The following NOS1AP variants were observed in gnomAD, a reference collection of about 807,000 sequenced individuals.
NOS1AP encodes nitric oxide synthase 1 adaptor protein, also known as carboxyl-terminal PDZ ligand of neuronal nitric oxide synthase protein.
A neutral mutation model predicts 56.2 loss-of-function variants in NOS1AP; 21 were observed. That is an observed-to-expected ratio of 0.37 (90% confidence interval 0.26 to 0.54). The LOEUF is 0.54. NOS1AP is among the 20% of genes least tolerant of loss of function. The pLI is 0.84. For synonymous variants in NOS1AP, 270 were observed against 274.6 expected, an observed-to-expected ratio of 0.98 and a Z score of 0.17; for missense variants, 522 against 657.8, an observed-to-expected ratio of 0.79 and a Z score of 2.26.
intron 2 of NOS1AP, among the ~76,000 whole-genome samples, chr1:162,265,980 C>A (rs1654409499): frequency 6.6e-6 from 1 of 152,130 alleles, no homozygotes; most frequent in South Asian, 2.1e-4. Flanking sequence ...TATCCGAGGC[C>A]AGACAGTAGG....
At chr1:162,127,109 AT>A (rs544924921) in intron 1 of NOS1AP, among the ~76,000 whole-genome samples, 3 of 151,008 alleles carry the variant, frequency 2.0e-5, no homozygotes, top group East Asian at 1.9e-4. Context: ...CTTTTGCCAT[AT>A]TTTTTTTTAA....
chr1:162,288,364 A>G (rs1200112914), intron 3 of NOS1AP, among the ~76,000 whole-genome samples: 1 of 152,200 alleles, frequency 6.6e-6, no homozygotes, highest in Non-Finnish European at 1.5e-5. Flanking sequence ...GTCACTCTTA[A>G]TTCAACTGGG....
intron 2 of NOS1AP, among the ~76,000 whole-genome samples, chr1:162,268,249 G>A (rs115272406): frequency 0.025 from 3,733 of 147,540 alleles, 64 homozygotes; most frequent in Non-Finnish European, 0.037. Flanking sequence ...GCAAGATTCT[G>A]TCTATAGGAA....
At chr1:162,360,275 T>C (rs1657857067) in intron 8 of NOS1AP, among the ~76,000 whole-genome samples, 1 of 152,064 alleles carries the variant, frequency 6.6e-6, no homozygotes, top group African/African-American at 2.4e-5. Flanking sequence ...CAAGTCCCTC[T>C]GACCGCTCTT....
intron 2 of NOS1AP, among the ~76,000 whole-genome samples, chr1:162,195,054 C>T (rs955744401): frequency 9.9e-5 from 15 of 152,052 alleles, no homozygotes; most frequent in Non-Finnish European, 7.4e-5. Flanking sequence ...TCTGGACTCA[C>T]GGAAGCCGCT....
At chr1:162,223,166 T>C (rs1652841753) in intron 2 of NOS1AP, among the ~76,000 whole-genome samples, 1 of 152,216 alleles carries the variant, frequency 6.6e-6, no homozygotes. Flanking sequence ...ATGTAAGAGT[T>C]AAGTGAAAAA....
At chr1:162,358,921 G>A (rs1212644864) in intron 8 of NOS1AP, among the ~76,000 whole-genome samples, 1 of 152,154 alleles carries the variant, frequency 6.6e-6, no homozygotes, top group African/African-American at 2.4e-5. Context: ...TTGTGGCGGT[G>A]GAAGGAAGCA....
At chr1:162,356,847 T>G in intron 7 of NOS1AP, 113 bp from the exon 8 acceptor site, 1 of 1,602,548 alleles carries the variant, frequency 6.2e-7, no homozygotes, top group South Asian at 1.1e-5. Context: ...TGCTGTCAGC[T>G]TATGGGTTGT....
chr1:162,323,140 G>A (rs1027016159), intron 4 of NOS1AP, among the ~76,000 whole-genome samples: 9 of 152,212 alleles, frequency 5.9e-5, no homozygotes, highest in African/African-American at 2.2e-4. Flanking sequence ...AATGACCAGG[G>A]TCCTTACAAG....
intron 1 of NOS1AP, among the ~76,000 whole-genome samples, chr1:162,102,175 G>A (rs1454341501): frequency 6.6e-6 from 1 of 152,032 alleles, no homozygotes; most frequent in Non-Finnish European, 1.5e-5. Context: ...TTTTATCCAA[G>A]GTCATTTCTT....
At chr1:162,327,769 T>C (rs1656640107) in intron 4 of NOS1AP, among the ~76,000 whole-genome samples, 1 of 152,248 alleles carries the variant, frequency 6.6e-6, no homozygotes, top group South Asian at 2.1e-4. Context: ...TATCCAAATA[T>C]ACTCTGTGCT....
At chr1:162,193,060 T>C (rs1651693705) in intron 2 of NOS1AP, among the ~76,000 whole-genome samples, 1 of 152,184 alleles carries the variant, frequency 6.6e-6, no homozygotes, top group South Asian at 2.1e-4. Flanking sequence ...TGTGTGCTTT[T>C]GCGAACACTC....
intron 2 of NOS1AP, among the ~76,000 whole-genome samples, chr1:162,272,059 C>T (rs1312853197): frequency 2.0e-5 from 3 of 152,056 alleles, no homozygotes; most frequent in Non-Finnish European, 4.4e-5. Context: ...CACTATATTG[C>T]CCTGGCTGGT....
At chr1:162,293,802 A>G (rs892385691) in intron 3 of NOS1AP, among the ~76,000 whole-genome samples, 1 of 152,198 alleles carries the variant, frequency 6.6e-6, no homozygotes, top group Non-Finnish European at 1.5e-5. Context: ...TTATCACTGG[A>G]CTAGGTGGCC....
intron 1 of NOS1AP, among the ~76,000 whole-genome samples, chr1:162,085,165 A>G (rs1345197118): frequency 6.6e-6 from 1 of 152,120 alleles, no homozygotes; most frequent in African/African-American, 2.4e-5. Flanking sequence ...TGAGGCAAAA[A>G]GAAAATGCAG....
rs1410712111 is a variant in NOS1AP, at chr1:162,333,142, C to T, written c.453+17C>T. 7 of 1,543,662 alleles carry T rather than the reference C, an allele frequency of 4.5e-6. No individual in the cohort carries two copies. The highest frequency in any genetic ancestry group is 4.5e-5 in the East Asian group (2 of 44,512). On this transcript the variant is annotated intron_variant, in intron 5 of 9. Transcript: ENST00000361897. The stretch of plus-strand genomic sequence containing the variant: ...AAGAAGAAGGTAAAGAGGCGGTTGC[C>T]GTCCATCTGCTATTTTCCTCTAATG...
In NOS1AP at chr1:162,207,769, C is replaced by A. The variant is rs1403281324; in HGVS notation, c.177+53293C>A. On this transcript the variant is annotated intron_variant, in intron 2 of 9. Coordinates refer to ENST00000361897, the MANE Select transcript of NOS1AP (RefSeq NM_014697.3). ...CATAAAATTGGATGTTGTGCCTATA[C>A]ACACACAGGATCTAGAAGAACATGT... Among the ~76,000 whole-genome samples, 3 of 152,300 alleles carry A rather than the reference C, an allele frequency of 2.0e-5. 1 individual carries two copies. Among genetic ancestry groups the A allele is most frequent in the Admixed American group, 1.3e-4 (2 of 15,308 alleles).
intron 6 of NOS1AP, among the ~76,000 whole-genome samples, chr1:162,349,393 A>C (rs1195726802): frequency 6.6e-6 from 1 of 152,172 alleles, no homozygotes; most frequent in Non-Finnish European, 1.5e-5. Context: ...CATAAAATTA[A>C]CAACCACAGA....
intron 2 of NOS1AP, among the ~76,000 whole-genome samples, chr1:162,273,309 G>A (rs1243109835): frequency 2.6e-5 from 4 of 151,948 alleles, no homozygotes; most frequent in South Asian, 4.2e-4. Flanking sequence ...GACTACAGGC[G>A]CCCGCCACCA....
Sources: gnomAD v4.1 joint callset for allele counts (sites outside exome capture counted in the v4.1 genomes callset) on GRCh38, gnomAD v4.1.1 for gene constraint, MANE v1.5 for transcripts, NCBI Gene and HGNC (gene_info 2026-07-23, HGNC 2026-07-21) for gene names.